JMJD1C: variants seen among roughly 807,000 people sequenced by gnomAD.
The protein encoded by JMJD1C is jumonji domain-containing protein 1C.
Under a neutral mutation model 245.3 loss-of-function variants are expected in JMJD1C, and 31 were observed. That is an observed-to-expected ratio of 0.13 (90% CI 0.09 to 0.17). The LOEUF (loss-of-function observed/expected upper bound fraction) is 0.17. JMJD1C is among the 10% of genes least tolerant of loss of function. The probability of loss-of-function intolerance (pLI) is 1.00; values close to 1 mark genes in which losing one functional copy is unlikely to be tolerated. For missense variants in JMJD1C, 2,691 were observed against 3,000.2 expected (o/e 0.90, Z 2.41); for synonymous variants, 1,057 against 1,017.4 (o/e 1.04, Z -0.74).
At chr10:63,254,782 T>C (rs896638350) in intron 3 of JMJD1C, among the ~76,000 whole-genome samples, 6 of 152,070 alleles carry the variant, frequency 3.9e-5, no homozygotes, top group Non-Finnish European at 8.8e-5. Context: ...GCTCCTGAGC[T>C]CAAGTGATCT....
intron 24 of JMJD1C, 67 bp from the exon 25 acceptor site, chr10:63,168,633 T>G: frequency 7.1e-7 from 1 of 1,401,728 alleles, no homozygotes; most frequent in Non-Finnish European, 9.5e-7. Flanking sequence ...GCCAAGTTAT[T>G]TAAAACCAAT....
intron 1 of JMJD1C, among the ~76,000 whole-genome samples, chr10:63,473,982 G>T (rs1953576212): frequency 1.3e-5 from 2 of 151,932 alleles, no homozygotes; most frequent in South Asian, 4.2e-4. Flanking sequence ...GGCGAACGTT[G>T]CAGTGAGCCG....
At chr10:63,181,623 G>C (rs1056423058) in intron 22 of JMJD1C, among the ~76,000 whole-genome samples, 2 of 152,172 alleles carry the variant, frequency 1.3e-5, no homozygotes, top group Non-Finnish European at 2.9e-5. Context: ...AGAGCAAAAG[G>C]ATTATTTAAA....
At chr10:63,259,263 A>T (rs557391674) in intron 3 of JMJD1C, among the ~76,000 whole-genome samples, 1 of 152,314 alleles carries the variant, frequency 6.6e-6, no homozygotes, top group East Asian at 1.9e-4. Context: ...TAATTCAACA[A>T]ATTACAACAT....
At position 63,177,827 on chromosome 10, in the gene JMJD1C, A is replaced by C. The variant is rs763845402; in HGVS notation, c.7114T>G (p.Leu2372Val). The C allele has an allele frequency of 4.3e-6, 7 of 1,613,100 alleles. No homozygotes were observed. The highest frequency in any genetic ancestry group is 5.9e-6 in the Non-Finnish European group (7 of 1,179,822). ...AATCTTTTCCTTAAAATGTCATCCA[A>C]ATCTTCTTCCTCAAATTTCTTGAGA... ...GILKKFEEED[L>V]DDILRKRLKD... The change falls in exon 23 of 26, where the codon TTG (leucine) becomes GTG (valine). Residue 2372 changes from leucine (L) to valine (V), a missense_variant. Physicochemically the swap from Leu to Val is conservative, Grantham distance 32 (BLOSUM62 1). Coordinates refer to ENST00000399262, the MANE Select transcript of JMJD1C (RefSeq NM_032776.3).
chr10:63,211,876 T>G (rs1020453045), intron 8 of JMJD1C, among the ~76,000 whole-genome samples: 1 of 140,894 alleles, frequency 7.1e-6, no homozygotes, highest in South Asian at 2.2e-4. Flanking sequence ...AAACCACCCA[T>G]GTTCACTGTA....
At chr10:63,408,732 A>G (rs1056944292) in intron 1 of JMJD1C, among the ~76,000 whole-genome samples, 2 of 151,204 alleles carry the variant, frequency 1.3e-5, no homozygotes, top group African/African-American at 4.9e-5. Context: ...TTTTTAAAGG[A>G]GTAAGATATA....
chr10:63,441,980 A>C (rs1402205873), intron 1 of JMJD1C, among the ~76,000 whole-genome samples: 1 of 152,242 alleles, frequency 6.6e-6, no homozygotes, highest in Non-Finnish European at 1.5e-5. Flanking sequence ...ATATTTATAT[A>C]GCACCTGTTA....
At chr10:63,462,283 TATTA>T (rs1402365338) in intron 1 of JMJD1C, among the ~76,000 whole-genome samples, 5 of 152,196 alleles carry the variant, frequency 3.3e-5, no homozygotes, top group African/African-American at 1.2e-4. Context: ...ATGAAAACTC[TATTA>T]ATTAAACTTA....
chr10:63,235,705 A>G (rs946749929), intron 3 of JMJD1C, among the ~76,000 whole-genome samples: 1 of 152,190 alleles, frequency 6.6e-6, no homozygotes, highest in East Asian at 1.9e-4. Context: ...TGCTATTTTG[A>G]TATTATTAGG....
rs749463991 is a variant in JMJD1C, at chr10:63,207,314, G to C, written c.4355C>G (p.Thr1452Ser). 3 of 1,613,456 alleles carry C rather than the reference G, an allele frequency of 1.9e-6. No individual in the cohort carries two copies. In the African/African-American group the frequency reaches 4.0e-5, roughly 22 times the overall value. Reference protein sequence around the residue: ...VAQKQECKVSTTAPVTLASSK... With the variant: ...VAQKQECKVSSTAPVTLASSK... ...ACTGGCTAATGTAACTGGTGCTGTG[G>C]TGCTGACCTTGCATTCTTGTTTTTG... The change falls in exon 10 of 26, where the codon ACC becomes AGC. Residue 1452 changes from threonine (T) to serine (S), a missense_variant. This residue lies in a region of JMJD1C where 1,562 missense variants were observed against 1,490.7 expected (regional missense o/e 1.05). Coordinates refer to ENST00000399262, the MANE Select transcript of JMJD1C (RefSeq NM_032776.3).
chr10:63,262,427 T>C (rs1210865406), intron 3 of JMJD1C, among the ~76,000 whole-genome samples: 11 of 152,144 alleles, frequency 7.2e-5, no homozygotes, highest in Non-Finnish European at 1.5e-4. Context: ...TGGGAGAAAA[T>C]ATTTTTATAT....
intron 2 of JMJD1C, among the ~76,000 whole-genome samples, chr10:63,312,061 T>TCATAA (rs1240031313): frequency 6.7e-6 from 1 of 150,060 alleles, no homozygotes; most frequent in African/African-American, 2.4e-5. Flanking sequence ...GTAATACTTC[T>TCATAA]CCCCAGACAT....
intron 2 of JMJD1C, among the ~76,000 whole-genome samples, chr10:63,332,516 C>T (rs773672112): frequency 2.7e-4 from 41 of 152,024 alleles, no homozygotes; most frequent in Non-Finnish European, 5.7e-4. Flanking sequence ...ATCAAGATGG[C>T]AAAGAAGGCA....
chr10:63,366,766 G>C (rs754736376), intron 2 of JMJD1C, among the ~76,000 whole-genome samples: 56 of 152,346 alleles, frequency 3.7e-4, no homozygotes, highest in Non-Finnish European at 5.1e-4. Flanking sequence ...AAAGTTACCA[G>C]TGGGACTGAG....
chr10:63,292,043 T>G (rs944529457), intron 2 of JMJD1C, among the ~76,000 whole-genome samples: 6 of 151,576 alleles, frequency 4.0e-5, no homozygotes, highest in African/African-American at 1.5e-4. Flanking sequence ...ATCAGCCTCT[T>G]GGACTCAAGC....
chr10:63,291,295 T>G (rs1290246628), intron 2 of JMJD1C, among the ~76,000 whole-genome samples: 34 of 65,238 alleles, frequency 5.2e-4, no homozygotes, highest in East Asian at 1.5e-3. Flanking sequence ...GAAAAAAGAG[T>G]GAAAGTCTGT....
At chr10:63,421,688 G>T (rs1950135842) in intron 1 of JMJD1C, among the ~76,000 whole-genome samples, 2 of 152,174 alleles carry the variant, frequency 1.3e-5, no homozygotes, top group Non-Finnish European at 2.9e-5. Flanking sequence ...AAGAATAAAT[G>T]AGATCATATG....
intron 2 of JMJD1C, among the ~76,000 whole-genome samples, chr10:63,269,874 C>G (rs1160322451): frequency 6.6e-6 from 1 of 152,116 alleles, no homozygotes; most frequent in African/African-American, 2.4e-5. Context: ...GTTCTGCTGT[C>G]TGATGTTGTC....
Sources: allele counts gnomAD v4.1 joint callset (sites outside exome capture counted in the v4.1 genomes callset), GRCh38; gene constraint gnomAD v4.1.1; regional missense constraint gnomAD v4.1.1; transcripts MANE v1.5; gene names NCBI Gene and HGNC (gene_info 2026-07-23, HGNC 2026-07-21).